The following MEI4 variants were observed in gnomAD, a reference collection of about 807,000 sequenced individuals.
The protein encoded by MEI4 is meiosis-specific protein MEI4.
A neutral mutation model predicts 31.4 loss-of-function variants in MEI4; 27 were observed. The observed-to-expected ratio is 0.86, with a 90% CI of 0.63 to 1.19. The LOEUF (loss-of-function observed/expected upper bound fraction) is 1.19. Ranked by LOEUF, MEI4 falls within the 50% of genes most tolerant of loss-of-function variation. The pLI, the probability that MEI4 is intolerant of heterozygous loss-of-function variation, is 0.00. For missense variants in MEI4, 329 were observed against 398.9 expected (o/e 0.82, Z 1.49); for synonymous variants, 122 against 145.4 (o/e 0.84, Z 1.16).
At chr6:77,918,116 C>T (rs1232670428) in intron 4 of MEI4, among the ~76,000 whole-genome samples, 2 of 149,936 alleles carry the variant, frequency 1.3e-5, no homozygotes, top group East Asian at 4.1e-4. Flanking sequence ...TGTTCTGTTC[C>T]ATTGATCTAT....
chr6:77,803,362 T>C (rs1296575159), intron 3 of MEI4, among the ~76,000 whole-genome samples: 1 of 152,178 alleles, frequency 6.6e-6, no homozygotes, highest in Non-Finnish European at 1.5e-5. Context: ...TTATTCTAGG[T>C]AGTCATTGGT....
intron 2 of MEI4, among the ~76,000 whole-genome samples, chr6:77,714,578 A>G (rs1402235523): frequency 1.3e-5 from 2 of 152,248 alleles, no homozygotes; most frequent in Non-Finnish European, 2.9e-5. Context: ...TTAAAATCAT[A>G]TCTTAAACAG....
chr6:77,887,239 G>GTT (rs1160678925), intron 4 of MEI4, among the ~76,000 whole-genome samples: 1 of 138,552 alleles, frequency 7.2e-6, no homozygotes. Flanking sequence ...TAGTCATTTT[G>GTT]TTTATTTTTT....
chr6:77,868,522 T>C (rs1010938256), intron 4 of MEI4, among the ~76,000 whole-genome samples: 2 of 137,262 alleles, frequency 1.5e-5, no homozygotes, highest in African/African-American at 2.6e-5. Context: ...TATATATATA[T>C]ATATATGCAG....
chr6:77,751,296 C>CA lies in MEI4; in HGVS notation c.233-9825dup, dbSNP rs199841545. On this transcript the variant is annotated intron_variant, in intron 2 of 4. Transcript: ENST00000684080. ...CAGAACTGAAGGAGATAGAAACACA[C>CA]AAAAAAAAACCCTTGAAAAAACTTG... is the stretch of plus-strand genomic sequence containing the variant. 8.8e-3 allele frequency among the ~76,000 whole-genome samples: 1,302 copies of CA among 147,800 alleles called. 14 individuals are homozygous for CA. Among genetic ancestry groups the CA allele is most frequent in the African/African-American group, 0.026 (1,038 of 40,336 alleles).
intron 3 of MEI4, among the ~76,000 whole-genome samples, chr6:77,765,317 T>A (rs1768143388): frequency 6.7e-6 from 1 of 150,372 alleles, no homozygotes; most frequent in Non-Finnish European, 1.5e-5. Flanking sequence ...ACGTGAGATA[T>A]TTTTTTGAAT....
At chr6:77,677,350 G>A (rs917175523) in intron 1 of MEI4, among the ~76,000 whole-genome samples, 19 of 152,050 alleles carry the variant, frequency 1.2e-4, no homozygotes, top group African/African-American at 4.6e-4. Context: ...GGTAAGAAAC[G>A]TGGCACTAGC....
At position 77,761,578 on chromosome 6, in the gene MEI4, T is replaced by G; in HGVS notation, c.681T>G (p.Ser227Arg). ...TGATCAGTGACTATAACTTATCTAG[T>G]CATATTCTTAAAAAGTGTTCCAAGA... ...ASLISDYNLS[S>R]HILKKCSKKL... Residue 227 changes from serine to arginine, a missense_variant, in exon 3 of 5, where the codon AGT (serine) becomes AGG (arginine). Coordinates refer to ENST00000684080, the MANE Select transcript of MEI4 (RefSeq NM_001322247.2). 1.6e-6 allele frequency: 2 copies of G among 1,231,962 alleles called. No individual in the cohort carries two copies. The highest frequency in any genetic ancestry group is 2.0e-6 in the Non-Finnish European group (2 of 987,796). 76.3% of individuals were successfully genotyped at this position (1,231,962 alleles called of 1,614,324 possible). A position where few individuals can be genotyped will look rare whatever the true frequency, so the allele number is the denominator to read the frequency against.
At chr6:77,801,171 C>A (rs1327683974) in intron 3 of MEI4, among the ~76,000 whole-genome samples, 1 of 152,156 alleles carries the variant, frequency 6.6e-6, no homozygotes, top group Non-Finnish European at 1.5e-5. Flanking sequence ...AATTTCAGAG[C>A]CTGTTTTTGG....
intron 2 of MEI4, among the ~76,000 whole-genome samples, chr6:77,758,851 C>T (rs953320650): frequency 1.3e-5 from 2 of 152,134 alleles, no homozygotes; most frequent in Admixed American, 1.3e-4. Flanking sequence ...TCTGCAGTTG[C>T]TATCCATTTT....
chr6:77,790,208 C>A (rs1768878991), intron 3 of MEI4, among the ~76,000 whole-genome samples: 1 of 140,192 alleles, frequency 7.1e-6, no homozygotes, highest in African/African-American at 2.7e-5. Context: ...AACACGAGAA[C>A]ACATGGACAC....
intron 2 of MEI4, among the ~76,000 whole-genome samples, chr6:77,723,169 A>G (rs942908624): frequency 1.4e-5 from 2 of 144,364 alleles, no homozygotes; most frequent in African/African-American, 5.2e-5. Flanking sequence ...GATTAGTCCT[A>G]CAGTCCCCTC....
chr6:77,916,282 C>A (rs539075192), intron 4 of MEI4, among the ~76,000 whole-genome samples: 1 of 151,894 alleles, frequency 6.6e-6, no homozygotes, highest in South Asian at 2.1e-4. Context: ...TAAATTGTTG[C>A]TGGAGAATTA....
At chr6:77,886,851 C>CT (rs1213491701) in intron 4 of MEI4, among the ~76,000 whole-genome samples, 1 of 151,588 alleles carries the variant, frequency 6.6e-6, no homozygotes, top group Admixed American at 6.6e-5. Context: ...CTCTTTTTTT[C>CT]TTTTTTGGTT....
intron 2 of MEI4, among the ~76,000 whole-genome samples, chr6:77,696,003 G>T (rs1211179336): frequency 6.6e-6 from 1 of 152,004 alleles, no homozygotes; most frequent in Non-Finnish European, 1.5e-5. Context: ...TGGATTCCTA[G>T]GTATTTTATT....
intron 4 of MEI4, among the ~76,000 whole-genome samples, chr6:77,885,170 A>T (rs1343698978): frequency 3.3e-5 from 5 of 151,628 alleles, no homozygotes; most frequent in Non-Finnish European, 5.9e-5. Context: ...ACTGTATAGA[A>T]ATGCTAGTGA....
At position 77,792,636 on chromosome 6, in the gene MEI4, T is replaced by C. The variant is rs1210840268; in HGVS notation, c.768+30971T>C. 2.0e-5 allele frequency among the ~76,000 whole-genome samples: 3 copies of C among 152,278 alleles called. No individual in the cohort carries two copies. In the East Asian group the frequency reaches 5.8e-4, roughly 29 times the overall value. On this transcript the variant is annotated intron_variant, in intron 3 of 4. Transcript: ENST00000684080. ...CTTATGTTTAAATCTTTAAGCAATT[T>C]TGAGTTGATTTTTGTATATGATGTG...
chr6:77,904,308 C>G (rs1002797374), intron 4 of MEI4, among the ~76,000 whole-genome samples: 8 of 151,982 alleles, frequency 5.3e-5, no homozygotes, highest in African/African-American at 1.9e-4. Flanking sequence ...AATTTTCTTT[C>G]CAACTTTTTT....
chr6:77,761,299 TCTTGTGAAAAGAC>T lies in MEI4; in HGVS notation c.409_421del (p.Lys137LeufsTer20), dbSNP rs937043247. Reference sequence around the variant, plus strand: ...CCCCCACTCACTTTCCACCACTGCCTCTTGTGAAAAGACCTTGTGCTATCCTGCAAAATCCTTT... The same window carrying T: ...CCCCCACTCACTTTCCACCACTGCCTCTTGTGCTATCCTGCAAAATCCTTT... On this transcript the variant is annotated frameshift_variant, in exon 3 of 5. Transcript: ENST00000684080. LOFTEE classifies it high-confidence loss of function. The T allele has an allele frequency of 1.6e-6, 2 of 1,232,524 alleles. No individual in the cohort carries two copies. The highest frequency in any genetic ancestry group is 3.1e-5 in the African/African-American group (2 of 64,426). 76.3% of individuals were successfully genotyped at this position (1,232,524 alleles called of 1,614,324 possible).
Sources: allele counts gnomAD v4.1 joint callset (sites outside exome capture counted in the v4.1 genomes callset), GRCh38; gene constraint gnomAD v4.1.1; transcripts MANE v1.5; gene names NCBI Gene and HGNC (gene_info 2026-07-23, HGNC 2026-07-21).